The following PHLPP1 variants were observed in gnomAD, a reference collection of about 807,000 sequenced individuals.
PHLPP1 encodes PH domain leucine-rich repeat-containing protein phosphatase 1.
Under a neutral mutation model 117.2 loss-of-function variants are expected in PHLPP1, and 42 were observed. The ratio of observed to expected loss-of-function variants is 0.36; its 90% CI spans 0.28 to 0.46. PHLPP1 has a LOEUF of 0.46. PHLPP1 is among the 20% of genes least tolerant of loss of function. The probability of loss-of-function intolerance (pLI) is 1.00; values close to 1 mark genes in which losing one functional copy is unlikely to be tolerated. For synonymous variants in PHLPP1, 1,042 were observed against 970.7 expected, an observed-to-expected ratio of 1.07 and a Z score of -1.37; for missense variants, 2,084 against 2,241.9, an observed-to-expected ratio of 0.93 and a Z score of 1.42.
intron 9 of PHLPP1, among the ~76,000 whole-genome samples, chr18:62,915,804 C>G (rs765958641): frequency 6.6e-6 from 1 of 152,168 alleles, no homozygotes; most frequent in Non-Finnish European, 1.5e-5. Flanking sequence ...CTATTGAGCA[C>G]TTGCAATGTG....
intron 1 of PHLPP1, among the ~76,000 whole-genome samples, chr18:62,754,070 A>G (rs543847714): frequency 5.3e-5 from 8 of 152,288 alleles, no homozygotes; most frequent in Middle Eastern, 3.4e-3. Flanking sequence ...TGTCTTAAAC[A>G]CTTCAGCTGT....
At chr18:62,785,201 C>T (rs762451605) in intron 1 of PHLPP1, among the ~76,000 whole-genome samples, 1 of 152,120 alleles carries the variant, frequency 6.6e-6, no homozygotes, top group South Asian at 2.1e-4. Flanking sequence ...ATTATAGTGC[C>T]GTGGCTGCCA....
intron 1 of PHLPP1, among the ~76,000 whole-genome samples, chr18:62,781,230 G>A (rs959530180): frequency 1.3e-5 from 2 of 152,138 alleles, no homozygotes; most frequent in South Asian, 2.1e-4. Flanking sequence ...AAAGTGCTCC[G>A]TAGATACTCA....
chr18:62,798,054 C>A (rs1236282123), intron 1 of PHLPP1, among the ~76,000 whole-genome samples: 1 of 152,156 alleles, frequency 6.6e-6, no homozygotes, highest in Admixed American at 6.5e-5. Flanking sequence ...AACTTGACTT[C>A]ATTCCCTCCT....
chr18:62,802,114 A>C (rs1027927281), intron 1 of PHLPP1, among the ~76,000 whole-genome samples: 2 of 152,196 alleles, frequency 1.3e-5, no homozygotes, highest in South Asian at 4.1e-4. Context: ...GAATGAGCAG[A>C]GGGGGTTATG....
In PHLPP1 at chr18:62,715,794, CGCGGCGGCTCTG is replaced by C. The variant is rs1162197604; in HGVS notation, c.120_131del (p.Leu41_Ala44del). The C allele has an allele frequency of 2.6e-5, 18 of 704,066 alleles. No individual in the cohort carries two copies. The highest frequency in any genetic ancestry group is 2.4e-4 in the South Asian group (4 of 16,482). 43.6% of individuals were successfully genotyped at this position (704,066 alleles called of 1,614,324 possible). A position where few individuals can be genotyped will look rare whatever the true frequency, so the allele number is the denominator to read the frequency against. ...CGGCAGCAGCAGCAGCAGCGGCGGCCGCGGCGGCTCTGGCGGCGGCGGCCGGGGGCGGCCGGA... is the reference window on the plus strand; with the variant it reads ...CGGCAGCAGCAGCAGCAGCGGCGGCCGCGGCGGCGGCCGGGGGCGGCCGGA... On this transcript the variant is annotated inframe_deletion, in exon 1 of 17. Transcript: ENST00000262719.
chr18:62,771,129 G>T (rs1240041106), intron 1 of PHLPP1, among the ~76,000 whole-genome samples: 1 of 150,956 alleles, frequency 6.6e-6, no homozygotes, highest in Non-Finnish European at 1.5e-5. Context: ...CAGGAAAATC[G>T]CTTGAACCCG....
intron 4 of PHLPP1, among the ~76,000 whole-genome samples, chr18:62,871,058 A>G (rs1462628600): frequency 2.0e-5 from 3 of 152,186 alleles, no homozygotes; most frequent in Non-Finnish European, 2.9e-5. Flanking sequence ...ATATCTCTAG[A>G]TGACTCAGAT....
chr18:62,830,438 A>G (rs1177403534), intron 2 of PHLPP1, among the ~76,000 whole-genome samples: 1 of 152,190 alleles, frequency 6.6e-6, no homozygotes, highest in African/African-American at 2.4e-5. Flanking sequence ...CATGTTGGCC[A>G]GGCTGGTCTT....
chr18:62,766,104 A>ATATATATAT (rs1289379653), intron 1 of PHLPP1, among the ~76,000 whole-genome samples: 11 of 40,978 alleles, frequency 2.7e-4, no homozygotes, highest in African/African-American at 4.1e-4. Flanking sequence ...TATATATATA[A>ATATATATAT]AATATATATA....
At chr18:62,791,252 A>G (rs1339361344) in intron 1 of PHLPP1, among the ~76,000 whole-genome samples, 2 of 152,204 alleles carry the variant, frequency 1.3e-5, no homozygotes, top group Admixed American at 6.5e-5. Flanking sequence ...ACAAACAAAA[A>G]GTCAGTAATG....
chr18:62,869,072 C>T (rs1194134306), intron 4 of PHLPP1, among the ~76,000 whole-genome samples: 6 of 152,180 alleles, frequency 3.9e-5, no homozygotes, highest in African/African-American at 1.4e-4. Context: ...CAGTGGTTTT[C>T]ATTCTCTTAT....
chr18:62,966,857 A>G (rs774079719), intron 14 of PHLPP1, among the ~76,000 whole-genome samples: 10 of 152,192 alleles, frequency 6.6e-5, no homozygotes, highest in Non-Finnish European at 1.2e-4. Flanking sequence ...AAATTTACCC[A>G]TGCCCATTTT....
At chr18:62,904,018 T>C (rs984808720) in intron 7 of PHLPP1, among the ~76,000 whole-genome samples, 1 of 152,210 alleles carries the variant, frequency 6.6e-6, no homozygotes, top group Admixed American at 6.5e-5. Context: ...GTTGAACATA[T>C]GTTTATCACG....
At chr18:62,888,235 G>C (rs1206164302) in intron 4 of PHLPP1, among the ~76,000 whole-genome samples, 1 of 150,708 alleles carries the variant, frequency 6.6e-6, no homozygotes, top group Non-Finnish European at 1.5e-5. Flanking sequence ...TGAATGCAAC[G>C]GTAGCACTGA....
chr18:62,738,035 A>G (rs570894558), intron 1 of PHLPP1, among the ~76,000 whole-genome samples: 10 of 152,226 alleles, frequency 6.6e-5, no homozygotes, highest in African/African-American at 2.2e-4. Flanking sequence ...GGTAGTACCT[A>G]TACCTATAGG....
intron 1 of PHLPP1, among the ~76,000 whole-genome samples, chr18:62,781,412 C>T (rs1408406998): frequency 6.6e-6 from 1 of 152,178 alleles, no homozygotes; most frequent in Admixed American, 6.5e-5. Flanking sequence ...CTTCATCTTA[C>T]GTGTTTGGAA....
intron 1 of PHLPP1, among the ~76,000 whole-genome samples, chr18:62,792,309 G>A (rs1913484269): frequency 6.6e-6 from 1 of 152,152 alleles, no homozygotes; most frequent in South Asian, 2.1e-4. Context: ...GAGTAAAACT[G>A]TAATTTGCTG....
At chr18:62,972,397 T>A in intron 14 of PHLPP1, 117 bp from the exon 15 acceptor site, 1 of 873,924 alleles carries the variant, frequency 1.1e-6, no homozygotes, top group South Asian at 1.8e-5. Flanking sequence ...CCTTAATCTG[T>A]CTGGAGTCAT....
Sources: allele counts gnomAD v4.1 joint callset (sites outside exome capture counted in the v4.1 genomes callset), GRCh38; gene constraint gnomAD v4.1.1; transcripts MANE v1.5; gene names NCBI Gene and HGNC (gene_info 2026-07-23, HGNC 2026-07-21).